Variants in NALCN observed in about 807,000 individuals in gnomAD.
The protein encoded by NALCN is sodium leak channel NALCN.
In NALCN, 111 loss-of-function variants were observed where a neutral mutation model predicts 225.3. The ratio of observed to expected loss-of-function variants is 0.49; its 90% CI spans 0.42 to 0.58. The LOEUF (loss-of-function observed/expected upper bound fraction) is 0.58. Ranked by LOEUF, NALCN falls within the 20% of genes least tolerant of loss-of-function variation. NALCN has a pLI of 0.00. For missense variants in NALCN, 1,378 were observed against 2,202.4 expected (o/e 0.63, Z 7.49); for synonymous variants, 764 against 769.0 (o/e 0.99, Z 0.11).
At chr13:101,271,643 T>C (rs2140253019) in intron 10 of NALCN, among the ~76,000 whole-genome samples, 1 of 151,996 alleles carries the variant, frequency 6.6e-6, no homozygotes, top group Non-Finnish European at 1.5e-5. Flanking sequence ...TATGTGCGTG[T>C]GTATGTGTGA....
chr13:101,386,295 G>T (rs1209466592), intron 3 of NALCN, among the ~76,000 whole-genome samples: 2 of 152,126 alleles, frequency 1.3e-5, no homozygotes, highest in Non-Finnish European at 2.9e-5. Context: ...CTGAAAATAT[G>T]CTATCCACCA....
At chr13:101,348,653 T>A (rs1206805547) in intron 6 of NALCN, among the ~76,000 whole-genome samples, 1 of 152,174 alleles carries the variant, frequency 6.6e-6, no homozygotes, top group Non-Finnish European at 1.5e-5. Context: ...TTTTTCTTCC[T>A]ATTATATTTG....
intron 10 of NALCN, among the ~76,000 whole-genome samples, chr13:101,275,439 T>C (rs1427641588): frequency 6.6e-6 from 1 of 152,172 alleles, no homozygotes; most frequent in African/African-American, 2.4e-5. Flanking sequence ...AAATAATTCT[T>C]TACTAAGTCA....
At chr13:101,392,280 A>G (rs2047169387) in intron 3 of NALCN, among the ~76,000 whole-genome samples, 1 of 152,118 alleles carries the variant, frequency 6.6e-6, no homozygotes, top group African/African-American at 2.4e-5. Flanking sequence ...AAATAATAAC[A>G]TATATAACAA....
intron 7 of NALCN, among the ~76,000 whole-genome samples, chr13:101,299,985 G>T (rs2043892517): frequency 6.6e-6 from 1 of 151,488 alleles, no homozygotes; most frequent in South Asian, 2.1e-4. Flanking sequence ...CCCAACAGTA[G>T]TTATCATAAA....
Position 101,084,715 on chromosome 13 carries a change from G to A in NALCN, c.3490-911C>T, listed in dbSNP as rs142648367. 8.0e-4 allele frequency among the ~76,000 whole-genome samples: 121 copies of A among 152,194 alleles called. 1 individual carries two copies. The highest frequency in any genetic ancestry group is 3.4e-3 in the Middle Eastern group (1 of 294). ...AACACCATCCACTGTACGAATATCCGAAGTTATTCATTTTTGATTTATGGA... is the reference window on the plus strand; with the variant it reads ...AACACCATCCACTGTACGAATATCCAAAGTTATTCATTTTTGATTTATGGA... On this transcript the variant is annotated intron_variant, in intron 30 of 43. Transcript: ENST00000251127.
chr13:101,294,222 A>G (rs1296168067), intron 7 of NALCN, among the ~76,000 whole-genome samples: 1 of 152,192 alleles, frequency 6.6e-6, no homozygotes, highest in Non-Finnish European at 1.5e-5. Context: ...GGGTACAAAC[A>G]TAGAGTTAGA....
chr13:101,138,129 T>C (rs1476098773), intron 17 of NALCN, among the ~76,000 whole-genome samples: 1 of 152,200 alleles, frequency 6.6e-6, no homozygotes, highest in African/African-American at 2.4e-5. Flanking sequence ...GTTCCAGTAA[T>C]ACTTTTTACT....
At chr13:101,372,623 T>C (rs995009990) in intron 6 of NALCN, among the ~76,000 whole-genome samples, 2 of 152,178 alleles carry the variant, frequency 1.3e-5, no homozygotes, top group African/African-American at 4.8e-5. Flanking sequence ...TATTAGAAGA[T>C]ATTTGAATTG....
intron 10 of NALCN, among the ~76,000 whole-genome samples, chr13:101,283,137 G>GCAGC (rs1566528326): frequency 2.6e-5 from 4 of 152,152 alleles, no homozygotes; most frequent in Non-Finnish European, 4.4e-5. Flanking sequence ...CCGGTCCTAC[G>GCAGC]AGTGGGCTGC....
chr13:101,281,156 C>T (rs2043155484), intron 10 of NALCN, among the ~76,000 whole-genome samples: 2 of 152,180 alleles, frequency 1.3e-5, no homozygotes, highest in South Asian at 4.1e-4. Context: ...GCTGGAATTA[C>T]TCAAGGTTTT....
At chr13:101,109,572 C>A (rs1004568200) in intron 20 of NALCN, among the ~76,000 whole-genome samples, 21 of 152,184 alleles carry the variant, frequency 1.4e-4, no homozygotes, top group Non-Finnish European at 1.5e-5. Context: ...GCTAGCCCTC[C>A]TTTCTCAAGT....
intron 7 of NALCN, among the ~76,000 whole-genome samples, chr13:101,303,589 T>C (rs1275663482): frequency 6.6e-6 from 1 of 152,130 alleles, no homozygotes; most frequent in Non-Finnish European, 1.5e-5. Context: ...CTTAGAATAG[T>C]GGCGAAAGAG....
At chr13:101,060,535 C>T (rs2031823816) in intron 41 of NALCN, among the ~76,000 whole-genome samples, 1 of 150,202 alleles carries the variant, frequency 6.7e-6, no homozygotes, top group Non-Finnish European at 1.5e-5. Context: ...AAGCGATCCT[C>T]CCGCCTCAGT....
chr13:101,344,556 A>C (rs1186639887), intron 7 of NALCN, among the ~76,000 whole-genome samples: 1 of 152,138 alleles, frequency 6.6e-6, no homozygotes, highest in Admixed American at 6.5e-5. Flanking sequence ...CAAGGCATAA[A>C]ATACTTGTTT....
chr13:101,144,403 C>T (rs890745485), intron 16 of NALCN, among the ~76,000 whole-genome samples: 6 of 152,304 alleles, frequency 3.9e-5, no homozygotes, highest in Middle Eastern at 3.4e-3. Context: ...TAGTCTCATA[C>T]GGTTGGGGTC....
intron 17 of NALCN, among the ~76,000 whole-genome samples, chr13:101,133,775 G>A (rs1056892068): frequency 6.6e-6 from 1 of 152,190 alleles, no homozygotes; most frequent in African/African-American, 2.4e-5. Context: ...GATTATGGAT[G>A]TATATAAAGG....
At chr13:101,385,143 G>A (rs1309167244) in intron 3 of NALCN, among the ~76,000 whole-genome samples, 1 of 152,112 alleles carries the variant, frequency 6.6e-6, no homozygotes, top group African/African-American at 2.4e-5. Context: ...CTCCTCTCCA[G>A]CTGCCTCCTG....
intron 30 of NALCN, among the ~76,000 whole-genome samples, chr13:101,087,275 A>C (rs1045519775): frequency 6.6e-6 from 1 of 152,216 alleles, no homozygotes; most frequent in Middle Eastern, 3.4e-3. Context: ...ACATTTGGAA[A>C]TTTACCTATG....
Sources: allele counts gnomAD v4.1 joint callset (sites outside exome capture counted in the v4.1 genomes callset), GRCh38; gene constraint gnomAD v4.1.1; transcripts MANE v1.5; gene names NCBI Gene and HGNC (gene_info 2026-07-23, HGNC 2026-07-21).